BRINP3: variants seen among roughly 807,000 people sequenced by gnomAD.
BRINP3 encodes BMP/retinoic acid-inducible neural-specific protein 3.
A neutral mutation model predicts 71.0 loss-of-function variants in BRINP3; 19 were observed. The observed-to-expected ratio is 0.27, with a 90% CI of 0.19 to 0.39. The LOEUF (loss-of-function observed/expected upper bound fraction) is 0.39, where lower values mean the gene tolerates loss of function less well. BRINP3 is among the 10% of genes least tolerant of loss of function. The probability of loss-of-function intolerance (pLI) is 1.00; values close to 1 mark genes in which losing one functional copy is unlikely to be tolerated. For synonymous variants in BRINP3, 380 were observed against 337.7 expected (o/e 1.13, Z -1.37); for missense variants, 959 against 940.8 (o/e 1.02, Z -0.25).
Position 190,477,789 on chromosome 1 carries a change from G to A in BRINP3, c.-392C>T, listed in dbSNP as rs1347320564. On this transcript the variant is annotated 5_prime_UTR_variant, in exon 1 of 8. Coordinates refer to ENST00000367462, the MANE Select transcript of BRINP3 (RefSeq NM_199051.3). The stretch of plus-strand genomic sequence containing the variant: ...GAAGCTGTGTAACCCCAGAGAACAG[G>A]AGGTGGAATACAGATAAATCTGCAA... 1 of 152,370 alleles carries A rather than the reference G, an allele frequency of 6.6e-6. No individual in the cohort carries two copies. The highest frequency in any genetic ancestry group is 1.9e-4 in the East Asian group (1 of 5,172). 9.4% of individuals were successfully genotyped at this position (152,370 alleles called of 1,614,324 possible).
At chr1:190,423,214 C>CCCTATGACT (rs373402156) in intron 2 of BRINP3, among the ~76,000 whole-genome samples, 3 of 151,698 alleles carry the variant, frequency 2.0e-5, no homozygotes, top group African/African-American at 4.8e-5. Context: ...TCATTAAGGG[C>CCCTATGACT]CCTATGACTC....
At chr1:190,347,069 T>C (rs544985594) in intron 2 of BRINP3, among the ~76,000 whole-genome samples, 1 of 152,204 alleles carries the variant, frequency 6.6e-6, no homozygotes, top group Non-Finnish European at 1.5e-5. Flanking sequence ...TCAAAGTCAG[T>C]AGCAGTTACC....
chr1:190,380,229 G>C (rs1204631471), intron 2 of BRINP3, among the ~76,000 whole-genome samples: 7 of 151,902 alleles, frequency 4.6e-5, no homozygotes, highest in African/African-American at 9.7e-5. Flanking sequence ...GACTTAAAAG[G>C]GTTTTTTAAT....
intron 2 of BRINP3, among the ~76,000 whole-genome samples, chr1:190,324,499 G>T (rs1050859026): frequency 6.6e-6 from 1 of 151,780 alleles, no homozygotes; most frequent in African/African-American, 2.4e-5. Flanking sequence ...ACTGATAAAT[G>T]AATATAAATA....
intron 2 of BRINP3, among the ~76,000 whole-genome samples, chr1:190,311,660 G>A (rs1041527929): frequency 6.6e-6 from 1 of 151,216 alleles, no homozygotes; most frequent in Admixed American, 6.6e-5. Context: ...TTTTCTGTGG[G>A]AAAGTTTATA....
intron 6 of BRINP3, among the ~76,000 whole-genome samples, chr1:190,192,834 C>G (rs982159246): frequency 3.9e-5 from 6 of 152,062 alleles, no homozygotes; most frequent in Non-Finnish European, 8.8e-5. Flanking sequence ...TGAGGAAGAA[C>G]TGATGTAACT....
At chr1:190,327,684 C>A (rs1401130497) in intron 2 of BRINP3, among the ~76,000 whole-genome samples, 1 of 152,078 alleles carries the variant, frequency 6.6e-6, no homozygotes, top group Non-Finnish European at 1.5e-5. Context: ...ACTTACACAG[C>A]TACACAGTAA....
intron 5 of BRINP3, among the ~76,000 whole-genome samples, chr1:190,228,530 G>T (rs1318738164): frequency 1.3e-5 from 2 of 151,902 alleles, no homozygotes; most frequent in East Asian, 3.9e-4. Context: ...TTGGTGGCAA[G>T]AAATGGTGAG....
At chr1:190,303,876 TA>T (rs1439910781) in intron 2 of BRINP3, among the ~76,000 whole-genome samples, 1 of 151,776 alleles carries the variant, frequency 6.6e-6, no homozygotes, top group African/African-American at 2.4e-5. Context: ...CCTAGGTATT[TA>T]AAAATACAAC....
At chr1:190,298,577 T>C (rs563015288) in intron 2 of BRINP3, among the ~76,000 whole-genome samples, 5 of 152,280 alleles carry the variant, frequency 3.3e-5, no homozygotes, top group African/African-American at 1.2e-4. Flanking sequence ...TGGGACTTTG[T>C]CTTTAACCTA....
In BRINP3 at chr1:190,108,347, T is replaced by C. The variant is rs149394757; in HGVS notation, c.1185-9213A>G. 4.6e-4 allele frequency among the ~76,000 whole-genome samples: 70 copies of C among 152,016 alleles called. No individual in the cohort carries two copies. In the East Asian group the frequency reaches 0.013, roughly 27 times the overall value. On this transcript the variant is annotated intron_variant, in intron 7 of 7. Coordinates refer to ENST00000367462, the MANE Select transcript of BRINP3 (RefSeq NM_199051.3). ...TATGAGCATAAGCAAATCGTGTGTGTGTGTGTGTGTGCGCACACGCTGGTA... is the reference window on the plus strand; with the variant it reads ...TATGAGCATAAGCAAATCGTGTGTGCGTGTGTGTGTGCGCACACGCTGGTA...
At position 190,099,050 on chromosome 1, in the gene BRINP3, C is replaced by T. The variant is rs2102235176; in HGVS notation, c.1269G>A (p.Thr423=). ...NGLLGSFSEE[T]HSCTCPNDQV... ...GGTCATTCGGACACGTGCACGAGTG[C>T]GTCTCTTCTGAAAAGCTGCCTAGGA... is the stretch of plus-strand genomic sequence containing the variant. Residue 423 remains threonine, a synonymous_variant, in exon 8 of 8, where the codon ACG becomes ACA. Transcript: ENST00000367462. The T allele has an allele frequency of 6.2e-7, 1 of 1,614,118 alleles. No homozygotes were observed. Among genetic ancestry groups the T allele is most frequent in the African/African-American group, 1.3e-5 (1 of 75,040 alleles).
chr1:190,289,784 GCCATCTTTTCTGCTCTA>G (rs1404111268), intron 2 of BRINP3, among the ~76,000 whole-genome samples: 1 of 151,942 alleles, frequency 6.6e-6, no homozygotes, highest in Non-Finnish European at 1.5e-5. Flanking sequence ...TGTGGGAACT[GCCATCTTTTCTGCTCTA>G]CCATACCTGT....
At chr1:190,131,937 T>A (rs942095484) in intron 7 of BRINP3, among the ~76,000 whole-genome samples, 7 of 152,070 alleles carry the variant, frequency 4.6e-5, no homozygotes, top group Admixed American at 4.6e-4. Context: ...GCTGTTAGGA[T>A]GGATAAGAAA....
chr1:190,224,275 C>T (rs1657136113), intron 6 of BRINP3, among the ~76,000 whole-genome samples: 1 of 151,790 alleles, frequency 6.6e-6, no homozygotes, highest in African/African-American at 2.4e-5. Context: ...CAGCATAGTA[C>T]TGGGATAAAA....
chr1:190,465,868 A>T (rs1333822675), intron 1 of BRINP3, among the ~76,000 whole-genome samples: 3 of 151,942 alleles, frequency 2.0e-5, no homozygotes, highest in African/African-American at 4.8e-5. Context: ...ACAGTAAAAC[A>T]GAAGACAGTT....
At chr1:190,177,291 T>G (rs1470234352) in intron 6 of BRINP3, among the ~76,000 whole-genome samples, 1 of 149,542 alleles carries the variant, frequency 6.7e-6, no homozygotes, top group Admixed American at 6.7e-5. Context: ...GTCTCCTGAG[T>G]AGCTGGGACT....
rs374354541 is a variant in BRINP3, at chr1:190,259,049, A to G, written c.618+5816T>C. Among the ~76,000 whole-genome samples the G allele has an allele frequency of 1.7e-3, 262 of 152,234 alleles. 1 individual carries two copies. Among genetic ancestry groups the G allele is most frequent in the Middle Eastern group, 0.014 (4 of 290 alleles). On this transcript the variant is annotated intron_variant, in intron 4 of 7. Transcript: ENST00000367462. The stretch of plus-strand genomic sequence containing the variant: ...AAGTTCACATCTAGATGGTTTCACC[A>G]CTAAATTCAACCAAAAACTCAAGGA...
chr1:190,265,614 T>A (rs1276391001), intron 3 of BRINP3, among the ~76,000 whole-genome samples: 2 of 150,760 alleles, frequency 1.3e-5, no homozygotes, highest in East Asian at 3.9e-4. Flanking sequence ...CTCCGGAGGC[T>A]GTGGCAGAAG....
Sources: allele counts gnomAD v4.1 joint callset (sites outside exome capture counted in the v4.1 genomes callset), GRCh38; gene constraint gnomAD v4.1.1; transcripts MANE v1.5; gene names NCBI Gene and HGNC (gene_info 2026-07-23, HGNC 2026-07-21).